Variants in KCNU1 observed in about 807,000 individuals in gnomAD.
KCNU1 encodes the protein potassium channel subfamily U member 1.
In KCNU1, 93 loss-of-function variants were observed where a neutral mutation model predicts 126.8. The ratio of observed to expected loss-of-function variants is 0.73; its 90% CI spans 0.62 to 0.87. The LOEUF is 0.87. Ranked by LOEUF, KCNU1 falls within the 40% of genes least tolerant of loss-of-function variation. The pLI is 0.00. For missense variants in KCNU1, 1,330 were observed against 1,367.1 expected (o/e 0.97, Z 0.43); for synonymous variants, 523 against 494.2 (o/e 1.06, Z -0.77).
At chr8:36,858,713 G>T (rs1805622563) in intron 18 of KCNU1, among the ~76,000 whole-genome samples, 1 of 152,134 alleles carries the variant, frequency 6.6e-6, no homozygotes, top group South Asian at 2.1e-4. Flanking sequence ...ACAGGAAGTT[G>T]CTCTAGTATA....
At chr8:36,833,876 C>A (rs566404364) in intron 11 of KCNU1, among the ~76,000 whole-genome samples, 1 of 152,276 alleles carries the variant, frequency 6.6e-6, no homozygotes, top group South Asian at 2.1e-4. Context: ...TTTGCCAACA[C>A]TTATATTTAA....
intron 10 of KCNU1, among the ~76,000 whole-genome samples, chr8:36,828,264 C>T (rs1804398678): frequency 6.6e-6 from 1 of 151,998 alleles, no homozygotes; most frequent in African/African-American, 2.4e-5. Context: ...CACATAAGCA[C>T]ATTTTGGTTA....
Position 36,871,280 on chromosome 8 carries a change from A to G in KCNU1, c.2009+6759A>G, listed in dbSNP as rs573925936. 2.0e-4 allele frequency among the ~76,000 whole-genome samples: 31 copies of G among 152,202 alleles called. No homozygotes were observed. In the South Asian group the frequency reaches 4.6e-3, roughly 22 times the overall value. On this transcript the variant is annotated intron_variant, in intron 19 of 26. Coordinates refer to ENST00000399881, the MANE Select transcript of KCNU1 (RefSeq NM_001031836.3). ...GAATAAGAATTTTGAAAAGATGACT[A>G]GATATTTTCCTTCAGATCCTCTAAA...
intron 10 of KCNU1, among the ~76,000 whole-genome samples, chr8:36,822,511 G>C (rs1236961574): frequency 6.6e-6 from 1 of 152,122 alleles, no homozygotes; most frequent in African/African-American, 2.4e-5. Context: ...CAAGGTTCTT[G>C]TAAGATTCTA....
rs573589423 is a variant in KCNU1, at chr8:36,818,016, C to T, written c.1106+256C>T. Among the ~76,000 whole-genome samples, 18 of 152,248 alleles carry T rather than the reference C, an allele frequency of 1.2e-4. No homozygotes were observed. The South Asian group carries it at 2.5e-3, about 21-fold the overall frequency. On this transcript the variant is annotated intron_variant, in intron 10 of 26. Coordinates refer to ENST00000399881, the MANE Select transcript of KCNU1 (RefSeq NM_001031836.3). ...CATTTGGCATTTAGGTTACTCTACA[C>T]GTTATTATCATACATGACTATAATC...
At chr8:36,814,175 A>G in intron 7 of KCNU1, 32 bp from the exon 8 acceptor site, 1 of 1,572,388 alleles carries the variant, frequency 6.4e-7, no homozygotes, top group Non-Finnish European at 8.7e-7. Context: ...GATTCTATTC[A>G]GATGTTTCCT....
chr8:36,931,034 T>G lies in KCNU1; in HGVS notation c.2820T>G (p.Asp940Glu). The G allele has an allele frequency of 6.2e-7, 1 of 1,611,398 alleles. No homozygotes were observed. The highest frequency in any genetic ancestry group is 8.5e-7 in the Non-Finnish European group (1 of 1,178,590). The change falls in exon 25 of 27, where the codon GAT becomes GAG. Residue 940 changes from aspartate to glutamate, a missense_variant. Asp to Glu is a conservative substitution (Grantham distance 45). Transcript: ENST00000399881. ...GVSSQLEQHL[D>E]KDKVYGVADS... ...GTTCTCAGCTGGAACAACATTTAGATAAGGATAAAGTCTATGGTGTGGCAG... is the reference window on the plus strand; with the variant it reads ...GTTCTCAGCTGGAACAACATTTAGAGAAGGATAAAGTCTATGGTGTGGCAG...
Position 36,911,048 on chromosome 8 carries a change from C to A in KCNU1, c.2450C>A (p.Ala817Asp). 1 of 1,613,750 alleles carries A rather than the reference C, an allele frequency of 6.2e-7. No individual in the cohort carries two copies. The highest frequency in any genetic ancestry group is 8.5e-7 in the Non-Finnish European group (1 of 1,179,784). Residue 817 changes from alanine (A) to aspartate (D), a missense_variant, in exon 22 of 27, where the codon GCC (alanine) becomes GAC (aspartate). Ala to Asp is a moderately radical substitution (Grantham distance 126). Transcript: ENST00000399881. ...SSNQTLVDTE[A>D]IMATLTIGSL... Reference sequence around the variant, plus strand: ...AACCAGACTTTGGTAGACACAGAAGCCATCATGGCAACCCTCACCATCGGA... The same window carrying A: ...AACCAGACTTTGGTAGACACAGAAGACATCATGGCAACCCTCACCATCGGA...
At position 36,817,131 on chromosome 8, in the gene KCNU1, G is replaced by A. The variant is rs145220568; in HGVS notation, c.996-519G>A. Among the ~76,000 whole-genome samples, 669 of 152,294 alleles carry A rather than the reference G, an allele frequency of 4.4e-3. 7 individuals are homozygous for A. Among genetic ancestry groups the A allele is most frequent in the African/African-American group, 0.015 (633 of 41,576 alleles). On this transcript the variant is annotated intron_variant, in intron 9 of 26. Coordinates refer to ENST00000399881, the MANE Select transcript of KCNU1 (RefSeq NM_001031836.3). Reference sequence around the variant, plus strand: ...TTTGGCTTCATATTCTACTTGAGATGAGATAGAAGACTGTGGATATCTGAT... The same window carrying A: ...TTTGGCTTCATATTCTACTTGAGATAAGATAGAAGACTGTGGATATCTGAT...
intron 5 of KCNU1, among the ~76,000 whole-genome samples, 198 bp downstream of exon 5, chr8:36,806,578 T>C (rs1174848450): frequency 1.3e-5 from 2 of 152,176 alleles, no homozygotes; most frequent in Non-Finnish European, 2.9e-5. Context: ...AGGCACACAG[T>C]AGGTGTTCAA....
intron 2 of KCNU1, among the ~76,000 whole-genome samples, chr8:36,800,541 G>C (rs1202307879): frequency 6.6e-6 from 1 of 152,196 alleles, no homozygotes; most frequent in Non-Finnish European, 1.5e-5. Flanking sequence ...TCCTCTGAGA[G>C]TGCTCAGCCT....
At position 36,935,659 on chromosome 8, in the gene KCNU1, A is replaced by G. The variant is rs567628369; in HGVS notation, c.3189A>G (p.Ser1063=). Residue 1063 remains serine, a synonymous_variant, in exon 27 of 27, where the codon TCA becomes TCG. Transcript: ENST00000399881. ...CATATGAAATTGTAAATAAAGCATC[A>G]CAGACAACAGAGACACATTCAGACA... ...QKSYEIVNKA[S]QTTETHSDTN... is the part of the protein sequence containing the mutation. 3.7e-6 allele frequency: 6 copies of G among 1,613,550 alleles called. No homozygotes were observed. The Admixed American group carries it at 8.3e-5, about 22-fold the overall frequency.
intron 19 of KCNU1, among the ~76,000 whole-genome samples, chr8:36,866,099 C>T (rs1049521728): frequency 6.6e-6 from 1 of 151,842 alleles, no homozygotes; most frequent in African/African-American, 2.4e-5. Flanking sequence ...GCTAGTATGT[C>T]CTCATTAAAT....
At chr8:36,874,696 T>C (rs1289617806) in intron 19 of KCNU1, among the ~76,000 whole-genome samples, 1 of 152,204 alleles carries the variant, frequency 6.6e-6, no homozygotes. Context: ...CACTATAGAT[T>C]ATTAGCTTAC....
intron 18 of KCNU1, among the ~76,000 whole-genome samples, chr8:36,851,334 T>C (rs1805335707): frequency 6.6e-6 from 1 of 151,702 alleles, no homozygotes; most frequent in Non-Finnish European, 1.5e-5. Flanking sequence ...TGAGAGTGAG[T>C]TCTCACAAGT....
chr8:36,892,828 A>G (rs910853379), intron 19 of KCNU1, among the ~76,000 whole-genome samples: 13 of 152,118 alleles, frequency 8.5e-5, no homozygotes, highest in African/African-American at 3.1e-4. Flanking sequence ...CAGCCAGAAG[A>G]GATTAGGAAT....
intron 19 of KCNU1, among the ~76,000 whole-genome samples, chr8:36,893,547 A>AT (rs752999155): frequency 2.6e-5 from 4 of 151,774 alleles, no homozygotes; most frequent in African/African-American, 7.2e-5. Flanking sequence ...CTTCAGATCT[A>AT]TTTTTTCTCT....
At chr8:36,866,258 C>A (rs1805907171) in intron 19 of KCNU1, among the ~76,000 whole-genome samples, 1 of 152,030 alleles carries the variant, frequency 6.6e-6, no homozygotes, top group Non-Finnish European at 1.5e-5. Context: ...TTACCTATTT[C>A]TTTTAACACA....
chr8:36,888,471 G>C, intron 19 of KCNU1: 3 of 486,464 alleles, frequency 6.2e-6, no homozygotes, highest in South Asian at 3.2e-5. Flanking sequence ...TCTCCCTTCA[G>C]CCCCATCACG....
Sources: allele counts gnomAD v4.1 joint callset (sites outside exome capture counted in the v4.1 genomes callset), GRCh38; gene constraint gnomAD v4.1.1; transcripts MANE v1.5; gene names NCBI Gene and HGNC (gene_info 2026-07-23, HGNC 2026-07-21).